Variants in TSHZ2 observed in about 807,000 individuals in gnomAD.
TSHZ2 encodes teashirt homolog 2.
A neutral mutation model predicts 74.4 loss-of-function variants in TSHZ2; 21 were observed. That is an observed-to-expected ratio of 0.28 (90% CI 0.20 to 0.41). TSHZ2 has a LOEUF of 0.41. Among genes scored for constraint, TSHZ2 ranks in the 10% least tolerant of loss-of-function variants. The pLI, the probability that TSHZ2 is intolerant of heterozygous loss-of-function variation, is 1.00. For synonymous variants in TSHZ2, 540 were observed against 515.3 expected (o/e 1.05, Z -0.65); for missense variants, 1,244 against 1,293.5 (o/e 0.96, Z 0.59).
chr20:53,093,807 A>G (rs1233549853), intron 1 of TSHZ2, among the ~76,000 whole-genome samples: 4 of 152,202 alleles, frequency 2.6e-5, no homozygotes, highest in Admixed American at 2.0e-4. Flanking sequence ...CATGCTAAAA[A>G]TAAGTGATTT....
intron 2 of TSHZ2, among the ~76,000 whole-genome samples, chr20:53,278,207 AGTT>A (rs1462187683): frequency 1.6e-4 from 25 of 152,172 alleles, no homozygotes; most frequent in Admixed American, 6.5e-5. Context: ...TATCTAAATC[AGTT>A]GTTGTCTGTA....
chr20:53,065,435 A>G (rs1264952299), intron 1 of TSHZ2, among the ~76,000 whole-genome samples: 1 of 152,226 alleles, frequency 6.6e-6, no homozygotes, highest in Non-Finnish European at 1.5e-5. Context: ...TTGGAAAAGC[A>G]TGAAAGGTTG....
intron 1 of TSHZ2, among the ~76,000 whole-genome samples, chr20:53,115,191 G>A (rs1986637746): frequency 6.6e-6 from 1 of 152,156 alleles, no homozygotes; most frequent in Admixed American, 6.5e-5. Context: ...CTCTAGAATA[G>A]AGGGAAGCCA....
chr20:53,360,854 A>G (rs1568884616), intron 2 of TSHZ2, among the ~76,000 whole-genome samples: 1 of 152,228 alleles, frequency 6.6e-6, no homozygotes, highest in Non-Finnish European at 1.5e-5. Context: ...CAAACCTTAT[A>G]TTAAAAACTT....
chr20:53,052,623 A>AT (rs1568737701), intron 1 of TSHZ2, among the ~76,000 whole-genome samples: 1 of 152,166 alleles, frequency 6.6e-6, no homozygotes, highest in Non-Finnish European at 1.5e-5. Context: ...ATGTATCAGA[A>AT]TTTTTTTCTT....
chr20:53,058,204 G>T (rs1344598571), intron 1 of TSHZ2, among the ~76,000 whole-genome samples: 1 of 152,150 alleles, frequency 6.6e-6, no homozygotes, highest in Non-Finnish European at 1.5e-5. Flanking sequence ...CTCACCACCT[G>T]CTGTGTGGCC....
At position 53,182,847 on chromosome 20, in the gene TSHZ2, A is replaced by AAT. The variant is rs1181114246; in HGVS notation, c.41-70650_41-70649dup. Among the ~76,000 whole-genome samples, 4 of 152,180 alleles carry AAT rather than the reference A, an allele frequency of 2.6e-5. No individual in the cohort carries two copies. In the East Asian group the frequency reaches 5.8e-4, roughly 22 times the overall value. On this transcript the variant is annotated intron_variant, in intron 1 of 2. Coordinates refer to ENST00000371497, the MANE Select transcript of TSHZ2 (RefSeq NM_173485.6). ...ACAGCCTATGTGTGTTCAATGTTCTAATAACCCCAAATTTAGACACAAACC... is the reference window on the plus strand; with the variant it reads ...ACAGCCTATGTGTGTTCAATGTTCTAATATAACCCCAAATTTAGACACAAACC...
chr20:53,294,482 A>G (rs1299287404), intron 2 of TSHZ2, among the ~76,000 whole-genome samples: 1 of 150,450 alleles, frequency 6.6e-6, no homozygotes, highest in African/African-American at 2.5e-5. Flanking sequence ...TAAAAAAAAA[A>G]GAGAGAGAGA....
chr20:53,212,154 T>A (rs976407922), intron 1 of TSHZ2, among the ~76,000 whole-genome samples: 81 of 152,328 alleles, frequency 5.3e-4, no homozygotes, highest in African/African-American at 1.9e-3. Flanking sequence ...AGTTGTCATC[T>A]TGGAATCCCT....
chr20:52,979,621 G>A lies in TSHZ2; in HGVS notation c.40+6288G>A, dbSNP rs372867883. Among the ~76,000 whole-genome samples, 3 of 152,212 alleles carry A rather than the reference G, an allele frequency of 2.0e-5. No homozygotes were observed. The East Asian group carries it at 5.8e-4, about 29-fold the overall frequency. ...ATGAATGAAATGATTCAATAATTTG[G>A]AGGCATTTGAAAGTCATTAAAATGG... On this transcript the variant is annotated intron_variant, in intron 1 of 2. Transcript: ENST00000371497.
chr20:53,337,272 A>G (rs1245357581), intron 2 of TSHZ2, among the ~76,000 whole-genome samples: 1 of 152,214 alleles, frequency 6.6e-6, no homozygotes, highest in Non-Finnish European at 1.5e-5. Context: ...GACTTTCATC[A>G]CATCTAGAAA....
Position 53,495,054 on chromosome 20 carries a change from C to T in TSHZ2, c.*7919C>T, listed in dbSNP as rs1189505343. 6.6e-6 allele frequency: 1 copy of T among 152,062 alleles called. No individual in the cohort carries two copies. The highest frequency in any genetic ancestry group is 1.5e-5 in the Non-Finnish European group (1 of 68,026). The allele number at this position is 152,062 out of a possible 1,614,324, so 9.4% of individuals were successfully genotyped here. On this transcript the variant is annotated 3_prime_UTR_variant, in exon 3 of 3. Coordinates refer to ENST00000371497, the MANE Select transcript of TSHZ2 (RefSeq NM_173485.6). ...CCTAGCTGATACGGAATAGCAGAGACATGCCTCTCAACACCATTAGCTTTG... is the reference window on the plus strand; with the variant it reads ...CCTAGCTGATACGGAATAGCAGAGATATGCCTCTCAACACCATTAGCTTTG...
chr20:53,480,825 G>C (rs1310918165), intron 2 of TSHZ2, among the ~76,000 whole-genome samples: 1 of 152,180 alleles, frequency 6.6e-6, no homozygotes, highest in African/African-American at 2.4e-5. Context: ...CCAAAATGCT[G>C]TGCCAGGGGA....
chr20:53,103,883 T>C (rs16997525), intron 1 of TSHZ2, among the ~76,000 whole-genome samples: 29,686 of 152,184 alleles, frequency 0.2, 3,620 homozygotes, highest in African/African-American at 0.36. Flanking sequence ...ATGAGCTCTT[T>C]GAACTTATAC....
intron 1 of TSHZ2, among the ~76,000 whole-genome samples, chr20:53,047,736 C>A (rs1197501207): frequency 2.0e-5 from 3 of 151,572 alleles, no homozygotes; most frequent in African/African-American, 4.9e-5. Flanking sequence ...CAAAAAAAAA[C>A]CATTCTTTAC....
At chr20:53,033,214 A>G (rs1983700422) in intron 1 of TSHZ2, among the ~76,000 whole-genome samples, 1 of 152,252 alleles carries the variant, frequency 6.6e-6, no homozygotes, top group African/African-American at 2.4e-5. Flanking sequence ...GATTCTTGCT[A>G]TCGAGAATAG....
At chr20:52,985,477 T>C (rs752972888) in intron 1 of TSHZ2, among the ~76,000 whole-genome samples, 4 of 152,216 alleles carry the variant, frequency 2.6e-5, no homozygotes, top group Non-Finnish European at 5.9e-5. Flanking sequence ...TCCTTATTGG[T>C]AGAATGGGGA....
At chr20:53,080,169 C>G (rs1985487347) in intron 1 of TSHZ2, among the ~76,000 whole-genome samples, 1 of 152,156 alleles carries the variant, frequency 6.6e-6, no homozygotes. Context: ...GTATGTGTTT[C>G]CCATTAATTC....
intron 1 of TSHZ2, among the ~76,000 whole-genome samples, chr20:53,117,151 CT>C (rs1443385810): frequency 2.6e-5 from 4 of 152,166 alleles, no homozygotes; most frequent in African/African-American, 9.7e-5. Context: ...CCCAAAGCCC[CT>C]ATCTCTTAAT....
Sources: gnomAD v4.1 joint callset for allele counts (sites outside exome capture counted in the v4.1 genomes callset) on GRCh38, gnomAD v4.1.1 for gene constraint, MANE v1.5 for transcripts, NCBI Gene and HGNC (gene_info 2026-07-23, HGNC 2026-07-21) for gene names.